MMP14: variants seen among roughly 807,000 people sequenced by gnomAD.
The protein encoded by MMP14 is matrix metalloproteinase-14.
In MMP14, 13 loss-of-function variants were observed where a neutral mutation model predicts 64.8. That is an observed-to-expected ratio of 0.20 (90% CI 0.13 to 0.32). MMP14 has a LOEUF of 0.32. Among genes scored for constraint, MMP14 ranks in the 10% least tolerant of loss-of-function variants. MMP14 has a pLI of 1.00. For synonymous variants in MMP14, 322 were observed against 315.9 expected, an observed-to-expected ratio of 1.02 and a Z score of -0.20; for missense variants, 594 against 783.8, an observed-to-expected ratio of 0.76 and a Z score of 2.89.
At position 22,842,288 on chromosome 14, in the gene MMP14, G is replaced by A; in HGVS notation, c.381-122G>A. 1 of 1,170,196 alleles carries A rather than the reference G, an allele frequency of 8.5e-7. No individual in the cohort carries two copies. Among genetic ancestry groups the A allele is most frequent in the South Asian group, 1.5e-5 (1 of 66,434 alleles). 72.5% of individuals were successfully genotyped at this position (1,170,196 alleles called of 1,614,324 possible). On this transcript the variant is annotated intron_variant, in intron 3 of 9. Coordinates refer to ENST00000311852, the MANE Select transcript of MMP14 (RefSeq NM_004995.4). The surrounding 1 kb of genome is among the most constrained non-coding windows in gnomAD (Gnocchi z 5.3). Reference sequence around the variant, plus strand: ...GGCGTTGCGCATGAGGTAGCAGGAAGAGCTGGGTCAGGCAGAGGTGGCTGG... The same window carrying A: ...GGCGTTGCGCATGAGGTAGCAGGAAAAGCTGGGTCAGGCAGAGGTGGCTGG...
In MMP14 at chr14:22,842,803, CG is replaced by C. The variant is rs558331043; in HGVS notation, c.688+89del. 9 of 1,418,434 alleles carry C rather than the reference CG, an allele frequency of 6.3e-6. No homozygotes were observed. Among genetic ancestry groups the C allele is most frequent in the Non-Finnish European group, 8.6e-6 (9 of 1,048,262 alleles). The allele number at this position is 1,418,434 out of a possible 1,614,324, so 87.9% of individuals were successfully genotyped here. ...TTCCCCTCCCTCCTTCCAAAATCTC[CG>C]GGCTAGAAGGGACCACAGAGACCTT... On this transcript the variant is annotated intron_variant, in intron 4 of 9. Transcript: ENST00000311852. The surrounding 1 kb of genome is among the most constrained non-coding windows in gnomAD (Gnocchi z 5.3).
In MMP14 at chr14:22,844,387, G is replaced by A. The variant is rs367667276; in HGVS notation, c.1028G>A (p.Arg343Gln). The change falls in exon 7 of 10, where the codon CGG becomes CAG. Residue 343 changes from arginine (R) to glutamine (Q), a missense_variant. By Grantham distance (43) the Arg-to-Gln change is conservative. Around this residue, in one of 4 missense-constraint regions of MMP14, gnomAD observed 364 missense variants for 425.2 expected, o/e 0.86. Transcript: ENST00000311852. ...MFVFKERWFW[R>Q]VRNNQVMDGY... ...GGCTTCCAGGAGCGCTGGTTCTGGCGGGTGAGGAATAACCAAGTGATGGAT... is the reference window on the plus strand; with the variant it reads ...GGCTTCCAGGAGCGCTGGTTCTGGCAGGTGAGGAATAACCAAGTGATGGAT... 16 of 1,613,964 alleles carry A rather than the reference G, an allele frequency of 9.9e-6. No individual in the cohort carries two copies. The highest frequency in any genetic ancestry group is 6.7e-5 in the African/African-American group (5 of 74,902).
intron 2 of MMP14, 36 bp from the exon 3 acceptor site, chr14:22,841,877 C>T: frequency 6.2e-7 from 1 of 1,613,744 alleles, no homozygotes; most frequent in Non-Finnish European, 8.5e-7. Flanking sequence ...TCATACACTG[C>T]ACTGATCCCA....
chr14:22,845,266 C>T lies in MMP14; in HGVS notation c.1317C>T (p.Asn439=), dbSNP rs779771554. ...FFRGNKYYRF[N]EELRAVDSEY... ...CCTTCCCCAGGTACTACCGTTTCAA[C>T]GAAGAGCTCAGGGCAGTGGATAGCG... Residue 439 remains asparagine, a synonymous_variant, in exon 9 of 10, where the codon AAC becomes AAT. Coordinates refer to ENST00000311852, the MANE Select transcript of MMP14 (RefSeq NM_004995.4). 1.2e-5 allele frequency: 20 copies of T among 1,613,540 alleles called. No individual in the cohort carries two copies. Among genetic ancestry groups the T allele is most frequent in the East Asian group, 6.7e-5 (3 of 44,880 alleles).
At position 22,843,119 on chromosome 14, in the gene MMP14, TAGACCTC is replaced by T. The variant is rs369695648; in HGVS notation, c.689-134_689-128del. 2.1e-4 allele frequency: 201 copies of T among 944,576 alleles called. 2 individuals are homozygous for T. The East Asian group carries it at 4.2e-3, about 20-fold the overall frequency. The allele number at this position is 944,576 out of a possible 1,614,324, so 58.5% of individuals were successfully genotyped here. A position where few individuals can be genotyped will look rare whatever the true frequency, so the allele number is the denominator to read the frequency against. On this transcript the variant is annotated intron_variant, in intron 4 of 9. Coordinates refer to ENST00000311852, the MANE Select transcript of MMP14 (RefSeq NM_004995.4). The surrounding 1 kb of genome is among the most constrained non-coding windows in gnomAD (Gnocchi z 4.8). ...TGTGCTTAAATACCAGATAAAAAGC[TAGACCTC>T]AGAATTTGGCCACTTTGGATTGAAA...
chr14:22,845,653 C>T (rs2039807006), intron 9 of MMP14, 55 bp from the exon 10 acceptor site: 5 of 1,569,248 alleles, frequency 3.2e-6, no homozygotes, highest in Non-Finnish European at 4.4e-6. Context: ...CGCTCCTCTC[C>T]TCTCCTCTCT....
rs894055575 is a variant in MMP14 at position 22,846,429 on chromosome 14, C to G, written c.*390C>G. On this transcript the variant is annotated 3_prime_UTR_variant, in exon 10 of 10. Coordinates refer to ENST00000311852, the MANE Select transcript of MMP14 (RefSeq NM_004995.4). ...GCTCCTTTTCCATCCCCTGACATACCTTAACCTCTGAACTCTGACCTCAGG... is the reference window on the plus strand; with the variant it reads ...GCTCCTTTTCCATCCCCTGACATACGTTAACCTCTGAACTCTGACCTCAGG... 2 of 203,036 alleles carry G rather than the reference C, an allele frequency of 9.9e-6. No individual in the cohort carries two copies. Among genetic ancestry groups the G allele is most frequent in the Non-Finnish European group, 2.0e-5 (2 of 100,780 alleles). The allele number at this position is 203,036 out of a possible 1,614,324, so 12.6% of individuals were successfully genotyped here.
intron 1 of MMP14, among the ~76,000 whole-genome samples, chr14:22,837,720 G>C (rs2039745089): frequency 6.6e-6 from 1 of 152,228 alleles, no homozygotes. Flanking sequence ...GGGGAATGGG[G>C]AGAGGGTCTG....
intron 2 of MMP14, 129 bp from the exon 3 acceptor site, chr14:22,841,784 A>G (rs930279259): frequency 6.4e-7 from 1 of 1,554,098 alleles, no homozygotes; most frequent in South Asian, 1.2e-5. Flanking sequence ...TCTCATATTC[A>G]CCCTGACCTC....
chr14:22,843,488 T>G lies in MMP14; in HGVS notation c.850+70T>G, dbSNP rs1281855753. 6.5e-7 allele frequency: 1 copy of G among 1,549,368 alleles called. No individual in the cohort carries two copies. Among genetic ancestry groups the G allele is most frequent in the African/African-American group, 1.4e-5 (1 of 73,898 alleles). ...TCCCTCCTGGTCTACGCATTTCCCC[T>G]CTTTTATGCCTTGCAGTCTCCGCAC... is the stretch of plus-strand genomic sequence containing the variant. On this transcript the variant is annotated intron_variant, in intron 5 of 9. Transcript: ENST00000311852. This position sits in a 1 kb window ranked among gnomAD's most constrained non-coding sequence, Gnocchi z 4.8.
rs1474144596 is a variant in MMP14, at chr14:22,842,153, G to A, written c.380+118G>A. The A allele has an allele frequency of 9.2e-6, 13 of 1,412,306 alleles. No homozygotes were observed. Among genetic ancestry groups the A allele is most frequent in the South Asian group, 2.6e-5 (2 of 77,000 alleles). The allele number at this position is 1,412,306 out of a possible 1,614,324, so 87.5% of individuals were successfully genotyped here. A position where few individuals can be genotyped will look rare whatever the true frequency, so the allele number is the denominator to read the frequency against. Reference sequence around the variant, plus strand: ...TCCCCTCAGTTCCTGGGAAGCATCCGTGGGAGTGGGGAGGAAAATGGCTCT... The same window carrying A: ...TCCCCTCAGTTCCTGGGAAGCATCCATGGGAGTGGGGAGGAAAATGGCTCT... On this transcript the variant is annotated intron_variant, in intron 3 of 9. Coordinates refer to ENST00000311852, the MANE Select transcript of MMP14 (RefSeq NM_004995.4). This position sits in a 1 kb window ranked among gnomAD's most constrained non-coding sequence, Gnocchi z 5.3.
chr14:22,842,351 A>G lies in MMP14; in HGVS notation c.381-59A>G, dbSNP rs546002733. ...GACCTGGGAGAGTGCAGGGAAGGAGAATGTTGCCCCTCTTTATCCTAACAC... is the reference window on the plus strand; with the variant it reads ...GACCTGGGAGAGTGCAGGGAAGGAGGATGTTGCCCCTCTTTATCCTAACAC... On this transcript the variant is annotated intron_variant, in intron 3 of 9. Transcript: ENST00000311852. The surrounding 1 kb of genome is among the most constrained non-coding windows in gnomAD (Gnocchi z 5.3). 114 of 1,549,078 alleles carry G rather than the reference A, an allele frequency of 7.4e-5. 2 individuals are homozygous for G. The South Asian group carries it at 1.3e-3, about 18-fold the overall frequency.
Position 22,846,393 on chromosome 14 carries a change from TG to T in MMP14, c.*358del. 3.9e-6 allele frequency: 1 copy of T among 259,130 alleles called. No homozygotes were observed. The highest frequency in any genetic ancestry group is 7.4e-6 in the Non-Finnish European group (1 of 135,886). 16.1% of individuals were successfully genotyped at this position (259,130 alleles called of 1,614,324 possible). On this transcript the variant is annotated 3_prime_UTR_variant, in exon 10 of 10. Coordinates refer to ENST00000311852, the MANE Select transcript of MMP14 (RefSeq NM_004995.4). ...TCAGACCTCGCTGGTAAAGGTCAAA[TG>T]GGGTCATCTGCTCCTTTTCCATCCC...
chr14:22,839,037 T>G (rs916609591), intron 1 of MMP14, among the ~76,000 whole-genome samples: 2 of 152,176 alleles, frequency 1.3e-5, no homozygotes, highest in Admixed American at 1.3e-4. Flanking sequence ...CCCCCAGAGC[T>G]CCTGGATGTG....
chr14:22,844,839 C>T, intron 8 of MMP14, 59 bp downstream of exon 8: 1 of 1,606,556 alleles, frequency 6.2e-7, no homozygotes, highest in South Asian at 1.1e-5. Context: ...ACCCCAAATT[C>T]CCTCAGTTCT....
chr14:22,845,196 G>A (rs558981544), intron 8 of MMP14, 55 bp from the exon 9 acceptor site: 27 of 1,349,698 alleles, frequency 2.0e-5, no homozygotes, highest in African/African-American at 7.2e-5. Flanking sequence ...CGGGTCTTGC[G>A]CCTCCTGAGG....
chr14:22,839,777 A>G (rs762052), intron 1 of MMP14, among the ~76,000 whole-genome samples: 131,145 of 151,758 alleles, frequency 0.86, 56,777 homozygotes, highest in East Asian at 1. Flanking sequence ...GCTAGGAGAT[A>G]CAGCACCCAA....
Position 22,842,802 on chromosome 14 carries a change from C to A in MMP14, c.688+85C>A. On this transcript the variant is annotated intron_variant, in intron 4 of 9. Transcript: ENST00000311852. This position sits in a 1 kb window ranked among gnomAD's most constrained non-coding sequence, Gnocchi z 5.3. The stretch of plus-strand genomic sequence containing the variant: ...GTTCCCCTCCCTCCTTCCAAAATCT[C>A]CGGGCTAGAAGGGACCACAGAGACC... The A allele has an allele frequency of 2.1e-6, 3 of 1,430,168 alleles. No homozygotes were observed. Among genetic ancestry groups the A allele is most frequent in the Non-Finnish European group, 9.5e-7 (1 of 1,057,952 alleles). The allele number at this position is 1,430,168 out of a possible 1,614,324, so 88.6% of individuals were successfully genotyped here. A position where few individuals can be genotyped will look rare whatever the true frequency, so the allele number is the denominator to read the frequency against.
Position 22,843,591 on chromosome 14 carries a change from C to A in MMP14, c.851-119C>A. On this transcript the variant is annotated intron_variant, in intron 5 of 9. Coordinates refer to ENST00000311852, the MANE Select transcript of MMP14 (RefSeq NM_004995.4). The surrounding 1 kb of genome is among the most constrained non-coding windows in gnomAD (Gnocchi z 4.8). ...TTTTGTGTCGCCTCCCAGTTGGTTG[C>A]TTCAGCCTCCCCTAGAAGCCCATCC... 1 of 1,412,864 alleles carries A rather than the reference C, an allele frequency of 7.1e-7. No individual in the cohort carries two copies. Among genetic ancestry groups the A allele is most frequent in the South Asian group, 1.3e-5 (1 of 74,594 alleles). The allele number at this position is 1,412,864 out of a possible 1,614,324, so 87.5% of individuals were successfully genotyped here.
Sources: gnomAD v4.1 joint callset for allele counts (sites outside exome capture counted in the v4.1 genomes callset) on GRCh38, gnomAD v4.1.1 for gene constraint, gnomAD v4.1.1 regional missense constraint, Gnocchi (gnomAD v3.1) non-coding constraint, MANE v1.5 for transcripts, NCBI Gene and HGNC (gene_info 2026-07-23, HGNC 2026-07-21) for gene names.